Variants in MTARC1 observed in about 807,000 individuals in gnomAD.
MTARC1 encodes mitochondrial amidoxime reducing component 1, also known as mitochondrial amidoxime-reducing component 1.
Under a neutral mutation model 33.6 loss-of-function variants are expected in MTARC1, and 24 were observed. The ratio of observed to expected loss-of-function variants is 0.72; its 90% confidence interval spans 0.52 to 1.01. The LOEUF is 1.01. MTARC1 is among the 50% of genes least tolerant of loss of function. The pLI, the probability that MTARC1 is intolerant of heterozygous loss-of-function variation, is 0.00. For synonymous variants in MTARC1, 187 were observed against 189.5 expected, an observed-to-expected ratio of 0.99 and a Z score of 0.11; for missense variants, 417 against 445.7, an observed-to-expected ratio of 0.94 and a Z score of 0.58.
At chr1:220,788,797 CA>C (rs34563265) in intron 1 of MTARC1, among the ~76,000 whole-genome samples, 22 of 140,228 alleles carry the variant, frequency 1.6e-4, no homozygotes, top group African/African-American at 4.1e-4. Context: ...GACTAAGTCT[CA>C]AAAAAAAAAA....
At position 220,813,398 on chromosome 1, in the gene MTARC1, G is replaced by C. The variant is rs1319105586; in HGVS notation, c.994G>C (p.Val332Leu). ...AGGGACCATCAAAGTGGGAGACCCT[G>C]TGTACCTGCTGGGCCAGTAATGGGA... ...NPGTIKVGDP[V>L]YLLGQ The change falls in exon 7 of 7, where the codon GTG (valine) becomes CTG (leucine). Residue 332 changes from valine to leucine, a missense_variant. By Grantham distance (32) the Val-to-Leu change is conservative. Coordinates refer to ENST00000366910, the MANE Select transcript of MTARC1 (RefSeq NM_022746.4). 1.2e-6 allele frequency: 2 copies of C among 1,614,182 alleles called. No individual in the cohort carries two copies. The highest frequency in any genetic ancestry group is 1.1e-5 in the South Asian group (1 of 91,084).
intron 4 of MTARC1, chr1:220,798,326 C>T: frequency 1.6e-6 from 2 of 1,239,670 alleles, no homozygotes; most frequent in Non-Finnish European, 2.1e-6. Context: ...TCTGTGTGGG[C>T]CATGGAACAA....
chr1:220,788,240 G>A (rs1043449580), intron 1 of MTARC1, among the ~76,000 whole-genome samples: 90 of 152,298 alleles, frequency 5.9e-4, no homozygotes, highest in African/African-American at 2.1e-3. Context: ...GTTCAGCGAA[G>A]GCTGCAAAAC....
At chr1:220,803,313 A>G (rs1672872671) in intron 4 of MTARC1, among the ~76,000 whole-genome samples, 1 of 152,182 alleles carries the variant, frequency 6.6e-6, no homozygotes. Flanking sequence ...CCATGATTCA[A>G]TTACCTCCAA....
At chr1:220,791,718 G>C in intron 2 of MTARC1, 54 bp downstream of exon 2, 1 of 1,585,118 alleles carries the variant, frequency 6.3e-7, no homozygotes, top group Non-Finnish European at 8.6e-7. Context: ...ATGCAATTTT[G>C]AGAAAGCATA....
At chr1:220,798,727 C>T in intron 4 of MTARC1, 1 of 769,890 alleles carries the variant, frequency 1.3e-6, no homozygotes, top group Non-Finnish European at 1.6e-6. Context: ...TGACCCACAG[C>T]TAGGAATTCA....
rs1392510909 is a variant in MTARC1 at position 220,818,540 on chromosome 1, C to CT, written c.*5123dup. 1.3e-5 allele frequency: 2 copies of CT among 152,214 alleles called. No individual in the cohort carries two copies. The highest frequency in any genetic ancestry group is 2.9e-5 in the Non-Finnish European group (2 of 68,056). The allele number at this position is 152,214 out of a possible 1,614,324, so 9.4% of individuals were successfully genotyped here. On this transcript the variant is annotated 3_prime_UTR_variant, in exon 7 of 7. Transcript: ENST00000366910. ...TACCTTTACAGAGCATCCTAGACTG[C>CT]TCTTCCTCTTACCTTCCTTGTGAAA...
At chr1:220,793,629 T>C (rs1672506152) in intron 2 of MTARC1, 2 of 152,178 alleles carry the variant, frequency 1.3e-5, no homozygotes, top group Non-Finnish European at 2.9e-5. Context: ...ACACCTGTTT[T>C]CATGGTCGAA....
intron 6 of MTARC1, among the ~76,000 whole-genome samples, chr1:220,809,520 T>TAATTTAATTTA (rs1217583270): frequency 6.6e-6 from 1 of 151,796 alleles, no homozygotes. Context: ...TTAATTTATT[T>TAATTTAATTTA]ATTTATTGAG....
chr1:220,807,431 A>C (rs909364650), intron 6 of MTARC1, among the ~76,000 whole-genome samples: 3 of 152,050 alleles, frequency 2.0e-5, no homozygotes, highest in Non-Finnish European at 4.4e-5. Flanking sequence ...AAAAATACAA[A>C]ACTTAGCTGG....
rs1321720030 is a variant in MTARC1, at chr1:220,791,671, A to G, written c.449+7A>G. On this transcript the variant is annotated splice_region_variant and intron_variant, in intron 2 of 6. Transcript: ENST00000366910. ...ATGCAGTGCACAAGTGCAGGTAAGG[A>G]AAGGGCAGGTCGTAGCCCTTGTGTG... 6.2e-7 allele frequency: 1 copy of G among 1,613,736 alleles called. No individual in the cohort carries two copies. The highest frequency in any genetic ancestry group is 1.7e-5 in the Admixed American group (1 of 60,000).
intron 4 of MTARC1, 56 bp from the exon 5 acceptor site, chr1:220,804,996 A>C: frequency 6.3e-7 from 1 of 1,585,856 alleles, no homozygotes; most frequent in Non-Finnish European, 8.7e-7. Flanking sequence ...ATCTCTACAC[A>C]CGTGTCAGGG....
chr1:220,812,500 G>A lies in MTARC1; in HGVS notation c.888-792G>A, dbSNP rs1048764953. Among the ~76,000 whole-genome samples the A allele has an allele frequency of 3.3e-5, 5 of 152,178 alleles. No homozygotes were observed. In the East Asian group the frequency reaches 5.8e-4, roughly 18 times the overall value. On this transcript the variant is annotated intron_variant, in intron 6 of 6. Coordinates refer to ENST00000366910, the MANE Select transcript of MTARC1 (RefSeq NM_022746.4). ...TGCTGGAAGCAAGATCGTGACAGTCGGAATGAGGAAAAGCAAGCCAAGTCA... is the reference window on the plus strand; with the variant it reads ...TGCTGGAAGCAAGATCGTGACAGTCAGAATGAGGAAAAGCAAGCCAAGTCA...
At chr1:220,808,827 A>G (rs1323726027) in intron 6 of MTARC1, 1 of 471,188 alleles carries the variant, frequency 2.1e-6, no homozygotes, top group Non-Finnish European at 4.4e-6. Flanking sequence ...ACAGGAAGAT[A>G]TGAAAATGGA....
At chr1:220,804,666 A>G (rs1672916781) in intron 4 of MTARC1, among the ~76,000 whole-genome samples, 1 of 152,126 alleles carries the variant, frequency 6.6e-6, no homozygotes, top group Admixed American at 6.5e-5. Flanking sequence ...GATCTGATAT[A>G]ATCTGAAGTA....
At chr1:220,801,821 C>T (rs1415839833) in intron 4 of MTARC1, among the ~76,000 whole-genome samples, 1 of 152,108 alleles carries the variant, frequency 6.6e-6, no homozygotes, top group Non-Finnish European at 1.5e-5. Flanking sequence ...CGAGGACCTG[C>T]ATGGAAGTTT....
In MTARC1 at chr1:220,787,033, T is replaced by A; in HGVS notation, c.89T>A (p.Leu30Gln). 1 of 1,367,848 alleles carries A rather than the reference T, an allele frequency of 7.3e-7. No individual in the cohort carries two copies. Among genetic ancestry groups the A allele is most frequent in the Non-Finnish European group, 9.4e-7 (1 of 1,068,902 alleles). The allele number at this position is 1,367,848 out of a possible 1,614,324, so 84.7% of individuals were successfully genotyped here. ...PGWLGVAALG[L>Q]TAVALGAVAW... ...TGGCTCGGGGTTGCCGCGCTGGGCCTGACCGCGGTGGCGCTGGGGGCTGTC... is the reference window on the plus strand; with the variant it reads ...TGGCTCGGGGTTGCCGCGCTGGGCCAGACCGCGGTGGCGCTGGGGGCTGTC... Residue 30 changes from leucine to glutamine, a missense_variant, in exon 1 of 7, where the codon CTG (leucine) becomes CAG (glutamine). Physicochemically the swap from Leu to Gln is moderately radical, Grantham distance 113. Transcript: ENST00000366910.
At chr1:220,808,125 C>G (rs1673025207) in intron 6 of MTARC1, among the ~76,000 whole-genome samples, 1 of 152,066 alleles carries the variant, frequency 6.6e-6, no homozygotes. Context: ...GGCATCCTTC[C>G]CTCTGGATTT....
In MTARC1 at chr1:220,815,172, C is replaced by T. The variant is rs967302112; in HGVS notation, c.*1754C>T. The T allele has an allele frequency of 1.3e-5, 2 of 152,256 alleles. No homozygotes were observed. Among genetic ancestry groups the T allele is most frequent in the Middle Eastern group, 3.2e-3 (1 of 316 alleles). 9.4% of individuals were successfully genotyped at this position (152,256 alleles called of 1,614,324 possible). ...GATTGAGACAAAGCGAAGTGTTCAGCAAGTAGCATTACTAATGGGACCGGG... is the reference window on the plus strand; with the variant it reads ...GATTGAGACAAAGCGAAGTGTTCAGTAAGTAGCATTACTAATGGGACCGGG... On this transcript the variant is annotated 3_prime_UTR_variant, in exon 7 of 7. Transcript: ENST00000366910.
Sources: gnomAD v4.1 joint callset for allele counts (sites outside exome capture counted in the v4.1 genomes callset) on GRCh38, gnomAD v4.1.1 for gene constraint, MANE v1.5 for transcripts, NCBI Gene and HGNC (gene_info 2026-07-23, HGNC 2026-07-21) for gene names.